Variants in C1QTNF3 observed in about 807,000 individuals in gnomAD.
C1QTNF3 encodes the protein C1q and TNF related 3, also known as complement C1q tumor necrosis factor-related protein 3.
C1QTNF3 carries 26 observed loss-of-function variants against 32.6 expected under a neutral mutation model. The ratio of observed to expected loss-of-function variants is 0.80; its 90% CI spans 0.58 to 1.11. The LOEUF (loss-of-function observed/expected upper bound fraction) is 1.11, where lower values mean the gene tolerates loss of function less well. C1QTNF3 is among the 50% of genes least tolerant of loss of function. The probability of loss-of-function intolerance (pLI) is 0.00; values close to 1 mark genes in which losing one functional copy is unlikely to be tolerated. For synonymous variants in C1QTNF3, 155 were observed against 146.0 expected (o/e 1.06, Z -0.44); for missense variants, 362 against 398.2 (o/e 0.91, Z 0.77).
At chr5:34,243,149 A>G in the C1QTNF3 span, among the ~76,000 whole-genome samples, 2 of 152,188 alleles carry the variant, frequency 1.3e-5, no homozygotes, top group African/African-American at 2.4e-5. Flanking sequence ...AATCAAGAAA[A>G]GGCAAAGGAC....
chr5:34,096,340 CA>C, the C1QTNF3 span, among the ~76,000 whole-genome samples: 1 of 146,378 alleles, frequency 6.8e-6, no homozygotes, highest in African/African-American at 2.5e-5. Context: ...GCTGATGCTA[CA>C]AAAGGATATC....
chr5:34,196,804 C>T, the C1QTNF3 span, among the ~76,000 whole-genome samples: 6 of 151,672 alleles, frequency 4.0e-5, no homozygotes, highest in Non-Finnish European at 5.9e-5. Flanking sequence ...GGACTGCAGG[C>T]GCCCGCCACC....
the C1QTNF3 span, among the ~76,000 whole-genome samples, chr5:34,138,180 T>C: frequency 6.6e-6 from 1 of 152,196 alleles, no homozygotes; most frequent in Non-Finnish European, 1.5e-5. Flanking sequence ...GGAAAATACA[T>C]TGCTGTTGTT....
the C1QTNF3 span, among the ~76,000 whole-genome samples, chr5:34,063,923 A>C: frequency 6.6e-6 from 1 of 152,170 alleles, no homozygotes; most frequent in African/African-American, 2.4e-5. Context: ...GAAAGGTAGG[A>C]GCGCATGCAT....
the C1QTNF3 span, among the ~76,000 whole-genome samples, chr5:34,232,447 C>T: frequency 0.013 from 2,043 of 151,946 alleles, 55 homozygotes; most frequent in African/African-American, 0.047. Flanking sequence ...TCTGTCCCCA[C>T]CCAAATCTCA....
chr5:34,220,763 G>A, the C1QTNF3 span, among the ~76,000 whole-genome samples: 1 of 152,012 alleles, frequency 6.6e-6, no homozygotes, highest in East Asian at 1.9e-4. Context: ...TTGCATGGCT[G>A]CCTCTTTATA....
chr5:34,131,324 G>T, the C1QTNF3 span, among the ~76,000 whole-genome samples: 493 of 150,554 alleles, frequency 3.3e-3, 5 homozygotes, highest in African/African-American at 0.012. Context: ...TTTAACCTAG[G>T]CTTTATTAAT....
chr5:34,174,716 C>T, the C1QTNF3 span, among the ~76,000 whole-genome samples: 6 of 152,148 alleles, frequency 3.9e-5, no homozygotes, highest in South Asian at 6.2e-4. Context: ...ATCCACCCTA[C>T]GTGAGAGCAC....
the C1QTNF3 span, among the ~76,000 whole-genome samples, chr5:34,153,853 T>TAAAAA: frequency 1.8e-4 from 6 of 32,858 alleles, no homozygotes; most frequent in Admixed American, 3.5e-4. Context: ...ACTTAGAGTA[T>TAAAAA]AAAAAAAAAA....
chr5:34,062,846 G>T, the C1QTNF3 span, among the ~76,000 whole-genome samples: 1 of 152,208 alleles, frequency 6.6e-6, no homozygotes, highest in South Asian at 2.1e-4. Flanking sequence ...TAAGATTTTT[G>T]AGTTAGTAAG....
the C1QTNF3 span, among the ~76,000 whole-genome samples, chr5:34,093,848 T>C: frequency 1.3e-5 from 2 of 152,182 alleles, no homozygotes; most frequent in African/African-American, 4.8e-5. Context: ...GTTAGCCATA[T>C]TGGGAACTCT....
At chr5:34,100,942 T>G in the C1QTNF3 span, among the ~76,000 whole-genome samples, 51 of 152,044 alleles carry the variant, frequency 3.4e-4, no homozygotes, top group Non-Finnish European at 4.1e-4. Flanking sequence ...CTTTAAAAGA[T>G]ATAGGCTTAT....
At chr5:34,213,810 T>TATATATATATATATATATATATATA in the C1QTNF3 span, among the ~76,000 whole-genome samples, 7 of 13,652 alleles carry the variant, frequency 5.1e-4, no homozygotes, top group East Asian at 4.0e-3. Flanking sequence ...TATATATATA[T>TATATATATATATATATATATATATA]TTTTTTTTTT....
the C1QTNF3 span, among the ~76,000 whole-genome samples, chr5:34,222,873 C>T: frequency 2.0e-5 from 3 of 148,992 alleles, no homozygotes; most frequent in African/African-American, 7.4e-5. Context: ...CTGTGAATTT[C>T]GGGAATGGAG....
chr5:34,211,535 TC>T, the C1QTNF3 span, among the ~76,000 whole-genome samples: 8 of 90,358 alleles, frequency 8.9e-5, no homozygotes, highest in African/African-American at 3.5e-4. Context: ...ATGCTATCCC[TC>T]CCCCCTCCCC....
the C1QTNF3 span, among the ~76,000 whole-genome samples, chr5:34,094,154 CA>C: frequency 6.6e-6 from 1 of 152,134 alleles, no homozygotes; most frequent in African/African-American, 2.4e-5. Context: ...AATTTTGCTG[CA>C]ATAGAATGGG....
intron 4 of C1QTNF3, chr5:34,024,360 G>A (rs1424279326): frequency 2.9e-5 from 6 of 204,014 alleles, no homozygotes; most frequent in Admixed American, 5.2e-5. Flanking sequence ...CACAGAACTC[G>A]TGTTACCAAG....
the C1QTNF3 span, among the ~76,000 whole-genome samples, chr5:34,059,120 TG>T: frequency 6.6e-6 from 1 of 152,206 alleles, no homozygotes; most frequent in African/African-American, 2.4e-5. Flanking sequence ...TATGACAGAC[TG>T]GGAAGCTTAG....
chr5:34,138,145 C>A, the C1QTNF3 span, among the ~76,000 whole-genome samples: 2 of 152,294 alleles, frequency 1.3e-5, no homozygotes, highest in African/African-American at 4.8e-5. Context: ...ACCTTGATGT[C>A]AGATTTCCCA....
Sources: gnomAD v4.1 joint callset for allele counts (sites outside exome capture counted in the v4.1 genomes callset) on GRCh38, gnomAD v4.1.1 for gene constraint, MANE v1.5 for transcripts, NCBI Gene and HGNC (gene_info 2026-07-23, HGNC 2026-07-21) for gene names.